The following ZNF346 variants were observed in gnomAD, a reference collection of about 807,000 sequenced individuals.
ZNF346 encodes the protein double-stranded RNA-binding zinc finger protein JAZ.
In ZNF346, 23 loss-of-function variants were observed where a neutral mutation model predicts 33.7. That is an observed-to-expected ratio of 0.68 (90% CI 0.49 to 0.97). The LOEUF (loss-of-function observed/expected upper bound fraction) is 0.97, where lower values mean the gene tolerates loss of function less well. Ranked by LOEUF, ZNF346 falls within the 50% of genes least tolerant of loss-of-function variation. ZNF346 has a pLI of 0.00. For synonymous variants in ZNF346, 134 were observed against 142.4 expected (o/e 0.94, Z 0.42); for missense variants, 340 against 371.1 (o/e 0.92, Z 0.69).
At chr5:177,054,560 G>A (rs1368219378) in intron 5 of ZNF346, among the ~76,000 whole-genome samples, 3 of 151,240 alleles carry the variant, frequency 2.0e-5, no homozygotes, top group Non-Finnish European at 2.9e-5. Context: ...CACCATGCCC[G>A]GCTAATTTTT....
chr5:177,056,006 G>A (rs954027693), intron 5 of ZNF346, among the ~76,000 whole-genome samples: 2 of 150,796 alleles, frequency 1.3e-5, no homozygotes. Flanking sequence ...AACCCAGGAG[G>A]AGGAGGTTGC....
intron 5 of ZNF346, among the ~76,000 whole-genome samples, chr5:177,059,591 C>T (rs1258397125): frequency 8.6e-6 from 1 of 115,864 alleles, no homozygotes; most frequent in Non-Finnish European, 1.7e-5. Flanking sequence ...CATTGAATGT[C>T]CCCTCCAGGT....
At chr5:177,041,063 C>A in intron 1 of ZNF346, 63 bp from the exon 2 acceptor site, 1 of 1,301,534 alleles carries the variant, frequency 7.7e-7, no homozygotes, top group South Asian at 1.2e-5. Context: ...AGGCAGGGTT[C>A]AAAGGCAGTG....
In ZNF346 at chr5:177,024,943, T is replaced by C. The variant is rs1265249159; in HGVS notation, c.175+2030T>C. ...CATTAAGTTCTACTCACCCTTTTTC[T>C]ACTCTTAGCACCTTCATGTGAGTTA... is the stretch of plus-strand genomic sequence containing the variant. On this transcript the variant is annotated intron_variant, in intron 1 of 6. Transcript: ENST00000358149. Among the ~76,000 whole-genome samples, 3 of 152,236 alleles carry C rather than the reference T, an allele frequency of 2.0e-5. No homozygotes were observed. The East Asian group carries it at 5.8e-4, about 29-fold the overall frequency.
intron 8 of ZNF346, among the ~76,000 whole-genome samples, chr5:177,073,822 C>CG (rs1783616050): frequency 7.3e-4 from 10 of 13,654 alleles, no homozygotes; most frequent in Non-Finnish European, 1.2e-3. Context: ...ATCGGGCGGG[C>CG]GGGGGAGGGG....
chr5:177,044,777 A>G (rs188289649), intron 4 of ZNF346, among the ~76,000 whole-genome samples: 185 of 152,290 alleles, frequency 1.2e-3, no homozygotes, highest in Non-Finnish European at 1.9e-3. Context: ...TGTCCTGACT[A>G]ATAATTATAA....
At chr5:177,033,565 C>A (rs1317306870) in intron 1 of ZNF346, among the ~76,000 whole-genome samples, 1 of 152,056 alleles carries the variant, frequency 6.6e-6, no homozygotes, top group Non-Finnish European at 1.5e-5. Flanking sequence ...ACTCTGTAGC[C>A]CAGGCTGGAG....
chr5:177,075,398 C>G (rs189041432), intron 8 of ZNF346, among the ~76,000 whole-genome samples: 1 of 151,766 alleles, frequency 6.6e-6, no homozygotes, highest in South Asian at 2.1e-4. Context: ...AGCCAGACAC[C>G]GTCTCAAAAA....
At chr5:177,059,030 C>T (rs1452409814) in intron 5 of ZNF346, among the ~76,000 whole-genome samples, 5 of 152,190 alleles carry the variant, frequency 3.3e-5, no homozygotes, top group South Asian at 2.1e-4. Flanking sequence ...CCATTGTGCC[C>T]GGCCTATTTA....
At chr5:177,055,616 C>T (rs1581922205) in intron 5 of ZNF346, among the ~76,000 whole-genome samples, 1 of 152,148 alleles carries the variant, frequency 6.6e-6, no homozygotes, top group East Asian at 1.9e-4. Context: ...AAAGTATCTC[C>T]CCCTGCCTCA....
In ZNF346 at chr5:177,077,945, G is replaced by A. The variant is rs190332039; in HGVS notation, c.*3-1437G>A. Among the ~76,000 whole-genome samples the A allele has an allele frequency of 9.2e-5, 14 of 152,142 alleles. No homozygotes were observed. The highest frequency in any genetic ancestry group is 2.9e-4 in the African/African-American group (12 of 41,436). On this transcript the variant is annotated intron_variant, in intron 8 of 8. Coordinates refer to the ZNF346 transcript ENST00000503039. This position sits in a 1 kb window ranked among gnomAD's most constrained non-coding sequence, Gnocchi z 5.0. Reference sequence around the variant, plus strand: ...GTGGATCACCTGAGGTCAGGAGCTCGAGCCCAGCCTGGTCAACATGGTGAA... The same window carrying A: ...GTGGATCACCTGAGGTCAGGAGCTCAAGCCCAGCCTGGTCAACATGGTGAA...
At chr5:177,040,871 T>A (rs966678166) in intron 1 of ZNF346, among the ~76,000 whole-genome samples, 1 of 152,192 alleles carries the variant, frequency 6.6e-6, no homozygotes, top group Non-Finnish European at 1.5e-5. Context: ...AAGTTTATGA[T>A]CTAAAGATTC....
chr5:177,026,830 A>T (rs758072394), intron 1 of ZNF346, among the ~76,000 whole-genome samples: 3 of 152,218 alleles, frequency 2.0e-5, no homozygotes, highest in Non-Finnish European at 4.4e-5. Flanking sequence ...TGATTTACAG[A>T]AATAACATTG....
downstream of ZNF346, among the ~76,000 whole-genome samples, chr5:177,069,386 A>G (rs1458207807): frequency 6.7e-6 from 1 of 150,168 alleles, no homozygotes; most frequent in African/African-American, 2.5e-5. Flanking sequence ...TGGGAGGCGG[A>G]GGTTGCAAGT....
At chr5:177,042,907 A>C (rs1015835052) in intron 3 of ZNF346, among the ~76,000 whole-genome samples, 1 of 152,134 alleles carries the variant, frequency 6.6e-6, no homozygotes, top group Non-Finnish European at 1.5e-5. Flanking sequence ...ACTGGAGTGC[A>C]GTGGCACGAT....
downstream of ZNF346, among the ~76,000 whole-genome samples, chr5:177,072,774 G>A (rs1247779846): frequency 1.3e-5 from 2 of 150,824 alleles, no homozygotes; most frequent in Non-Finnish European, 1.5e-5. Flanking sequence ...GCTTGAACCC[G>A]TGAGGCGGAG....
chr5:177,068,709 A>G (rs1184462045), downstream of ZNF346, among the ~76,000 whole-genome samples: 2 of 142,564 alleles, frequency 1.4e-5, no homozygotes, highest in Non-Finnish European at 3.0e-5. Flanking sequence ...CACCTAAAAC[A>G]TTGAGAGAGG....
intron 5 of ZNF346, chr5:177,052,640 T>C (rs1781113577): frequency 6.6e-6 from 1 of 152,366 alleles, no homozygotes; most frequent in Admixed American, 6.5e-5. Context: ...GAGAAAAGGT[T>C]GCTTCCTATC....
rs1393227753 is a variant in ZNF346 at position 177,022,842 on chromosome 5, G to T, written c.104G>T (p.Arg35Leu). ...GAGGGCCAGGAGCCGGACGGGGTGC[G>T]CTTTGACCGCGAGAGGGCGCGCCGC... is the stretch of plus-strand genomic sequence containing the variant. ...LLEGQEPDGV[R>L]FDRERARRLW... Residue 35 changes from arginine (R) to leucine (L), a missense_variant, in exon 1 of 7, where the codon CGC becomes CTC. Coordinates refer to ENST00000358149, the MANE Select transcript of ZNF346 (RefSeq NM_012279.4). 6.5e-6 allele frequency: 10 copies of T among 1,535,430 alleles called. No individual in the cohort carries two copies. Among genetic ancestry groups the T allele is most frequent in the African/African-American group, 1.4e-5 (1 of 71,946 alleles).
Sources: allele counts gnomAD v4.1 joint callset (sites outside exome capture counted in the v4.1 genomes callset), GRCh38; gene constraint gnomAD v4.1.1; non-coding constraint Gnocchi (gnomAD v3.1); transcripts MANE v1.5; gene names NCBI Gene and HGNC (gene_info 2026-07-23, HGNC 2026-07-21).